PKHD1: variants seen among roughly 807,000 people sequenced by gnomAD.
PKHD1 encodes the protein fibrocystin.
In PKHD1, 291 loss-of-function variants were observed where a neutral mutation model predicts 412.0. The observed-to-expected ratio is 0.71, with a 90% CI of 0.64 to 0.78. The LOEUF (loss-of-function observed/expected upper bound fraction) is 0.78. Among genes scored for constraint, PKHD1 ranks in the 30% least tolerant of loss-of-function variants. The pLI, the probability that PKHD1 is intolerant of heterozygous loss-of-function variation, is 0.00. For synonymous variants in PKHD1, 1,777 were observed against 1,821.5 expected (o/e 0.98, Z 0.62); for missense variants, 4,825 against 4,950.7 (o/e 0.97, Z 0.76).
chr6:51,909,509 CATGTAGA>C, intron 39 of PKHD1, 35 bp from the exon 40 acceptor site: 1 of 1,509,426 alleles, frequency 6.6e-7, no homozygotes, highest in African/African-American at 1.4e-5. Context: ...GAACCTAAAG[CATGTAGA>C]ACATGCTTCC....
At chr6:51,931,997 G>A (rs1786700236) in intron 37 of PKHD1, among the ~76,000 whole-genome samples, 1 of 152,008 alleles carries the variant, frequency 6.6e-6, no homozygotes, top group South Asian at 2.1e-4. Context: ...GAGAGGGAGA[G>A]AGGAGAAAGA....
At chr6:51,949,320 A>G (rs960210615) in intron 36 of PKHD1, among the ~76,000 whole-genome samples, 2 of 152,210 alleles carry the variant, frequency 1.3e-5, no homozygotes, top group Non-Finnish European at 2.9e-5. Flanking sequence ...GGAGAAAAGG[A>G]ATCATCCATT....
intron 35 of PKHD1, among the ~76,000 whole-genome samples, chr6:51,982,203 G>A (rs1431555986): frequency 2.3e-3 from 72 of 31,448 alleles, no homozygotes; most frequent in South Asian, 5.8e-3. Flanking sequence ...TCAGCCCCCC[G>A]CCCGGCCAGC....
At chr6:51,717,752 A>G (rs998940227) in intron 60 of PKHD1, among the ~76,000 whole-genome samples, 6 of 152,212 alleles carry the variant, frequency 3.9e-5, no homozygotes. Flanking sequence ...TGAGTAAGCA[A>G]TCCGTCAATA....
Position 51,659,732 on chromosome 6 carries a change from A to G in PKHD1, c.10394T>C (p.Ile3465Thr), listed in dbSNP as rs2150416667. 1 of 1,613,834 alleles carries G rather than the reference A, an allele frequency of 6.2e-7. No homozygotes were observed. Among genetic ancestry groups the G allele is most frequent in the Non-Finnish European group, 8.5e-7 (1 of 1,179,844 alleles). ...SVSTFYSILPIRQITKVCFMD... is the reference protein window; with the variant it reads ...SVSTFYSILPTRQITKVCFMD... ...GAAGCAGACTTTGGTGATTTGCCTG[A>G]TGGGTAAGATAGAATAGAAAGTAGA... is the stretch of plus-strand genomic sequence containing the variant. The change falls in exon 61 of 67, where the codon ATC becomes ACC. Residue 3465 changes from isoleucine to threonine, a missense_variant. Coordinates refer to ENST00000371117, the MANE Select transcript of PKHD1 (RefSeq NM_138694.4).
At chr6:51,937,545 TC>T (rs1288143792) in intron 36 of PKHD1, among the ~76,000 whole-genome samples, 1 of 152,228 alleles carries the variant, frequency 6.6e-6, no homozygotes, top group Admixed American at 6.5e-5. Flanking sequence ...CCCTAACTTC[TC>T]TTCAGCTTTC....
intron 63 of PKHD1, among the ~76,000 whole-genome samples, chr6:51,647,702 G>A (rs113249581): frequency 1.7e-4 from 26 of 152,184 alleles, no homozygotes; most frequent in African/African-American, 5.8e-4. Context: ...GGGGCACTGA[G>A]TGGACTGTAG....
intron 55 of PKHD1, among the ~76,000 whole-genome samples, chr6:51,756,395 T>A (rs1158384407): frequency 2.0e-5 from 3 of 152,160 alleles, no homozygotes; most frequent in African/African-American, 7.2e-5. Flanking sequence ...AGTCCAGCAT[T>A]TTTTCCACTA....
intron 60 of PKHD1, among the ~76,000 whole-genome samples, chr6:51,699,632 A>T (rs73738156): frequency 6.6e-6 from 1 of 152,174 alleles, no homozygotes; most frequent in Non-Finnish European, 1.5e-5. Context: ...ATATAACTTT[A>T]TAAGTAACTG....
intron 35 of PKHD1, among the ~76,000 whole-genome samples, chr6:51,998,054 C>T (rs972946889): frequency 1.3e-5 from 2 of 152,198 alleles, no homozygotes; most frequent in African/African-American, 4.8e-5. Flanking sequence ...GGCTAGATTG[C>T]ACGTGGCGAT....
chr6:51,698,432 G>A (rs1779049563), intron 60 of PKHD1, among the ~76,000 whole-genome samples: 1 of 152,150 alleles, frequency 6.6e-6, no homozygotes, highest in African/African-American at 2.4e-5. Context: ...CTTCAACAAT[G>A]AGATTAACAC....
At chr6:51,881,863 G>T (rs1196469409) in intron 46 of PKHD1, among the ~76,000 whole-genome samples, 1 of 152,142 alleles carries the variant, frequency 6.6e-6, no homozygotes, top group African/African-American at 2.4e-5. Flanking sequence ...TCCACCAGGG[G>T]ACTCTTGTCC....
intron 39 of PKHD1, among the ~76,000 whole-genome samples, chr6:51,910,211 C>A (rs556131204): frequency 6.6e-6 from 1 of 152,216 alleles, no homozygotes; most frequent in African/African-American, 2.4e-5. Context: ...TCCAGGGCAC[C>A]TTCTGTTGAT....
At chr6:51,921,449 A>G (rs1395725936) in intron 37 of PKHD1, among the ~76,000 whole-genome samples, 1 of 151,950 alleles carries the variant, frequency 6.6e-6, no homozygotes, top group East Asian at 1.9e-4. Flanking sequence ...CATTCTCTGT[A>G]TTTCCTGAAT....
rs528841925 is a variant in PKHD1, at chr6:51,635,995, A to G, written c.11506+2854T>C. ...GGTCATAAAAGCCACAGCCTACACC[A>G]TGGTAATGATAGTGAACGTGGAAAG... is the stretch of plus-strand genomic sequence containing the variant. On this transcript the variant is annotated intron_variant, in intron 64 of 66. Transcript: ENST00000371117. Among the ~76,000 whole-genome samples the G allele has an allele frequency of 1.6e-3, 249 of 152,194 alleles. 1 individual carries two copies. Among genetic ancestry groups the G allele is most frequent in the African/African-American group, 5.7e-3 (238 of 41,546 alleles).
intron 37 of PKHD1, among the ~76,000 whole-genome samples, chr6:51,924,386 CAGA>C (rs1261635888): frequency 6.6e-6 from 1 of 152,128 alleles, no homozygotes; most frequent in Non-Finnish European, 1.5e-5. Context: ...AAAAACAGGA[CAGA>C]AGGTGTTAGC....
intron 49 of PKHD1, among the ~76,000 whole-genome samples, chr6:51,850,819 G>C (rs1003198754): frequency 1.3e-5 from 2 of 152,110 alleles, no homozygotes. Context: ...GGTTTTCTAA[G>C]TATAAAATCA....
Position 51,885,863 on chromosome 6 carries a change from T to TTA in PKHD1, c.7215+2_7215+3dup. The TTA allele has an allele frequency of 6.3e-7, 1 of 1,586,052 alleles. No individual in the cohort carries two copies. The highest frequency in any genetic ancestry group is 1.1e-5 in the South Asian group (1 of 89,844). On this transcript the variant is annotated splice_donor_region_variant and intron_variant, in intron 45 of 66. Coordinates refer to ENST00000371117, the MANE Select transcript of PKHD1 (RefSeq NM_138694.4). ...ACAATAACAACAACAACAAAAAAGC[T>TTA]TACCTGGGCACCACCTGCACTTTCC...
At chr6:51,833,346 G>A (rs1316576828) in intron 51 of PKHD1, among the ~76,000 whole-genome samples, 1 of 152,124 alleles carries the variant, frequency 6.6e-6, no homozygotes, top group Non-Finnish European at 1.5e-5. Flanking sequence ...ATGAAGGAAT[G>A]TTATTATGTA....
Sources: gnomAD v4.1 joint callset for allele counts (sites outside exome capture counted in the v4.1 genomes callset) on GRCh38, gnomAD v4.1.1 for gene constraint, MANE v1.5 for transcripts, NCBI Gene and HGNC (gene_info 2026-07-23, HGNC 2026-07-21) for gene names.